Variants in ZNF713 observed in about 807,000 individuals in gnomAD.
The protein encoded by ZNF713 is zinc finger protein 713.
ZNF713 carries 21 observed loss-of-function variants against 28.7 expected under a neutral mutation model. That is an observed-to-expected ratio of 0.73 (90% CI 0.52 to 1.05). The LOEUF is 1.05. ZNF713 is among the 50% of genes least tolerant of loss of function. The pLI is 0.00. For synonymous variants in ZNF713, 167 were observed against 178.0 expected (o/e 0.94, Z 0.49); for missense variants, 458 against 532.4 (o/e 0.86, Z 1.37).
At position 55,887,893 on chromosome 7, in the gene ZNF713, C is replaced by A. The variant is rs1392566217; in HGVS notation, c.-583+213C>A. Reference sequence around the variant, plus strand: ...CGGCGGCGGCGGCGGCGGCGGGCGGCGGCGGCGGCGGGAGGCGGCAGGTGG... The same window carrying A: ...CGGCGGCGGCGGCGGCGGCGGGCGGAGGCGGCGGCGGGAGGCGGCAGGTGG... On this transcript the variant is annotated intron_variant, in intron 1 of 6. Coordinates refer to ENST00000429591, the MANE Select transcript of ZNF713 (RefSeq NM_182633.3). Among the ~76,000 whole-genome samples the A allele has an allele frequency of 1.8e-4, 16 of 87,468 alleles. No homozygotes were observed. The South Asian group carries it at 2.6e-3, about 14-fold the overall frequency. 57.4% of individuals were successfully genotyped at this position (87,468 alleles called of 152,430 possible). A position where few individuals can be genotyped will look rare whatever the true frequency, so the allele number is the denominator to read the frequency against.
chr7:55,927,040 G>A (rs1178516386), intron 6 of ZNF713, among the ~76,000 whole-genome samples: 3 of 152,160 alleles, frequency 2.0e-5, no homozygotes, highest in Admixed American at 6.5e-5. Flanking sequence ...TACGTGGCAG[G>A]CTGAGGCTGG....
intron 1 of ZNF713, among the ~76,000 whole-genome samples, chr7:55,890,888 C>G (rs748434051): frequency 6.6e-6 from 1 of 151,010 alleles, no homozygotes; most frequent in Admixed American, 6.6e-5. Context: ...CGTGGTGGCA[C>G]GTGCCTGAGG....
intron 6 of ZNF713, among the ~76,000 whole-genome samples, chr7:55,927,976 G>T (rs867077985): frequency 6.6e-6 from 1 of 150,456 alleles, no homozygotes; most frequent in Non-Finnish European, 1.5e-5. Flanking sequence ...TAGAGGGAAG[G>T]ACATTAGGGT....
intron 1 of ZNF713, among the ~76,000 whole-genome samples, chr7:55,893,672 C>T (rs1233304622): frequency 2.6e-5 from 4 of 152,066 alleles, no homozygotes; most frequent in Admixed American, 6.6e-5. Flanking sequence ...CTCCGCCTCC[C>T]GGGTTCAAGC....
At chr7:55,932,890 C>CAAAAAAAAAAAAAAAAA (rs61092452) in intron 6 of ZNF713, among the ~76,000 whole-genome samples, 1 of 47,788 alleles carries the variant, frequency 2.1e-5, no homozygotes, top group Non-Finnish European at 3.5e-5. Flanking sequence ...GACTCCGTCT[C>CAAAAAAAAAAAAAAAAA]AAAAAAAAAA....
intron 1 of ZNF713, among the ~76,000 whole-genome samples, 166 bp downstream of exon 1, chr7:55,887,846 GGC>G (rs1491246151): frequency 0.47 from 6,425 of 13,550 alleles, 2,085 homozygotes; most frequent in African/African-American, 0.6. Flanking sequence ...GGCGGGCGGC[GGC>G]GGCGGCGGGC....
At chr7:55,893,573 TTTG>T (rs1194981456) in intron 1 of ZNF713, among the ~76,000 whole-genome samples, 2 of 152,110 alleles carry the variant, frequency 1.3e-5, no homozygotes, top group Non-Finnish European at 2.9e-5. Context: ...ATTCCTGTTT[TTTG>T]TTGTTTTGTT....
chr7:55,897,920 A>G (rs573619488), intron 1 of ZNF713, among the ~76,000 whole-genome samples: 4 of 152,174 alleles, frequency 2.6e-5, no homozygotes, highest in East Asian at 1.9e-4. Context: ...TTTGCTATTC[A>G]TAACCAATGA....
At chr7:55,929,616 G>A (rs1443456043) in intron 6 of ZNF713, among the ~76,000 whole-genome samples, 4 of 152,110 alleles carry the variant, frequency 2.6e-5, no homozygotes, top group Non-Finnish European at 5.9e-5. Flanking sequence ...GAGGCTGGGT[G>A]CAGTGGCGCA....
chr7:55,916,818 A>T (rs747185301), intron 4 of ZNF713, among the ~76,000 whole-genome samples: 3 of 152,224 alleles, frequency 2.0e-5, no homozygotes, highest in Non-Finnish European at 4.4e-5. Flanking sequence ...TGAAAAATGA[A>T]ACCACAAAAA....
At chr7:55,912,241 C>T (rs1468721895) in intron 3 of ZNF713, among the ~76,000 whole-genome samples, 173 bp downstream of exon 3, 1 of 152,138 alleles carries the variant, frequency 6.6e-6, no homozygotes, top group Non-Finnish European at 1.5e-5. Flanking sequence ...CGCCTCATCC[C>T]AGTAGTTCTC....
At chr7:55,909,654 T>C (rs1785748180) in intron 2 of ZNF713, among the ~76,000 whole-genome samples, 1 of 152,208 alleles carries the variant, frequency 6.6e-6, no homozygotes, top group African/African-American at 2.4e-5. Context: ...ATGATATTGA[T>C]TCTTCAAATC....
chr7:55,912,950 T>C (rs192184035), intron 4 of ZNF713, among the ~76,000 whole-genome samples: 6 of 152,350 alleles, frequency 3.9e-5, no homozygotes, highest in African/African-American at 1.4e-4. Context: ...GATTCCTGCC[T>C]GTTCTGGACG....
chr7:55,918,926 G>A (rs573556505), intron 4 of ZNF713, among the ~76,000 whole-genome samples: 5 of 151,980 alleles, frequency 3.3e-5, no homozygotes, highest in African/African-American at 4.8e-5. Context: ...CCCGGGAGGC[G>A]GAGGTTGCAG....
intron 6 of ZNF713, among the ~76,000 whole-genome samples, chr7:55,937,954 A>T (rs1033931594): frequency 1.3e-5 from 2 of 151,864 alleles, no homozygotes; most frequent in African/African-American, 4.8e-5. Context: ...CTATAATCTC[A>T]GCACTTTGGG....
intron 2 of ZNF713, among the ~76,000 whole-genome samples, chr7:55,910,169 T>TGAAAC (rs1355179840): frequency 6.6e-6 from 1 of 152,018 alleles, no homozygotes; most frequent in Non-Finnish European, 1.5e-5. Context: ...ATTTGTATCT[T>TGAAAC]GAAACTTTTA....
In ZNF713 at chr7:55,923,611, T is replaced by A; in HGVS notation, c.219T>A (p.Tyr73Ter). 6.3e-7 allele frequency: 1 copy of A among 1,599,734 alleles called. No homozygotes were observed. The highest frequency in any genetic ancestry group is 1.1e-5 in the South Asian group (1 of 88,672). ...GTATGTTACTCCTGTGAATAGGGTA[T>A]CAGCTTTGTAAGCCAGAGGTAATCG... ...ENYRNLVALG[Y>*]QLCKPEVIAQ... The change falls in exon 6 of 7, where the codon TAT becomes TAA. Residue 73 changes from tyrosine to a stop codon, truncating the protein, a stop_gained. Coordinates refer to ENST00000429591, the MANE Select transcript of ZNF713 (RefSeq NM_182633.3). LOFTEE classifies it high-confidence loss of function.
intron 1 of ZNF713, among the ~76,000 whole-genome samples, chr7:55,897,429 G>A (rs796624691): frequency 2.0e-5 from 3 of 151,568 alleles, no homozygotes; most frequent in Non-Finnish European, 4.4e-5. Context: ...ACAGGCACTC[G>A]CCACCACACC....
Position 55,939,572 on chromosome 7 carries a change from C to G in ZNF713, c.898C>G (p.His300Asp), listed in dbSNP as rs1278728779. The change falls in exon 7 of 7, where the codon CAT (histidine) becomes GAT (aspartate). Residue 300 changes from histidine to aspartate, a missense_variant. By Grantham distance (81) the His-to-Asp change is moderately conservative. Transcript: ENST00000429591. The part of the protein sequence containing the change: ...ECGKRFSQRI[H>D]LIQHQRIHTG... ...TGGAAAAAGATTCAGCCAGAGGATA[C>G]ATCTCATTCAACATCAGAGAATTCA... 2.5e-6 allele frequency: 4 copies of G among 1,613,870 alleles called. No homozygotes were observed. The highest frequency in any genetic ancestry group is 1.3e-5 in the African/African-American group (1 of 74,906).
Sources: gnomAD v4.1 joint callset for allele counts (sites outside exome capture counted in the v4.1 genomes callset) on GRCh38, gnomAD v4.1.1 for gene constraint, MANE v1.5 for transcripts, NCBI Gene and HGNC (gene_info 2026-07-23, HGNC 2026-07-21) for gene names.